Variants in AMPH observed in about 807,000 individuals in gnomAD.
The protein encoded by AMPH is amphiphysin.
In AMPH, 49 loss-of-function variants were observed where a neutral mutation model predicts 99.1. That is an observed-to-expected ratio of 0.49 (90% CI 0.39 to 0.63). The LOEUF is 0.63. Among genes scored for constraint, AMPH ranks in the 20% least tolerant of loss-of-function variants. The pLI is 0.00. For missense variants in AMPH, 759 were observed against 863.4 expected, an observed-to-expected ratio of 0.88 and a Z score of 1.52; for synonymous variants, 314 against 317.3, an observed-to-expected ratio of 0.99 and a Z score of 0.11.
intron 18 of AMPH, 46 bp downstream of exon 18, chr7:38,393,959 A>G (rs1562723753): frequency 6.3e-7 from 1 of 1,597,082 alleles, no homozygotes. Flanking sequence ...CACCCAGCCC[A>G]TGCTACTTCC....
intron 1 of AMPH, among the ~76,000 whole-genome samples, chr7:38,627,315 G>A (rs558145561): frequency 1.7e-3 from 261 of 150,546 alleles, no homozygotes; most frequent in African/African-American, 6.1e-3. Context: ...AGGCTGAGGC[G>A]GGCAGATAAC....
At position 38,429,556 on chromosome 7, in the gene AMPH, A is replaced by G. The variant is rs564603593; in HGVS notation, c.1182+286T>C. On this transcript the variant is annotated intron_variant, in intron 14 of 20. Transcript: ENST00000356264. ...TCCTCCATGATCAGGTTACACAAGG[A>G]AAGACTTTCTGAAGAGTCAGTCTTT... is the stretch of plus-strand genomic sequence containing the variant. 288 of 1,426,702 alleles carry G rather than the reference A, an allele frequency of 2.0e-4. 1 individual carries two copies. In the African/African-American group the frequency reaches 3.8e-3, roughly 19 times the overall value. The allele number at this position is 1,426,702 out of a possible 1,614,324, so 88.4% of individuals were successfully genotyped here. A position where few individuals can be genotyped will look rare whatever the true frequency, so the allele number is the denominator to read the frequency against.
chr7:38,548,046 T>C, intron 1 of AMPH, among the ~76,000 whole-genome samples: 1 of 88,796 alleles, frequency 1.1e-5, no homozygotes, highest in Admixed American at 1.1e-4. Flanking sequence ...TTTTTTTTTT[T>C]GTGACAGAGT....
At chr7:38,576,215 T>C (rs538446491) in intron 1 of AMPH, among the ~76,000 whole-genome samples, 1 of 152,318 alleles carries the variant, frequency 6.6e-6, no homozygotes, top group African/African-American at 2.4e-5. Context: ...GGAGTCCATA[T>C]TACTTTGGAA....
chr7:38,546,542 T>C (rs1791003131), intron 1 of AMPH, among the ~76,000 whole-genome samples: 1 of 152,216 alleles, frequency 6.6e-6, no homozygotes, highest in Non-Finnish European at 1.5e-5. Flanking sequence ...ATACAAAACC[T>C]GCAGGAATTT....
intron 5 of AMPH, among the ~76,000 whole-genome samples, chr7:38,487,604 T>C (rs940332130): frequency 9.2e-5 from 14 of 152,104 alleles, no homozygotes; most frequent in African/African-American, 3.1e-4. Context: ...ATTCAGGACA[T>C]AGGCATGGGC....
At chr7:38,472,930 A>G (rs1787938423) in intron 7 of AMPH, among the ~76,000 whole-genome samples, 1 of 152,220 alleles carries the variant, frequency 6.6e-6, no homozygotes, top group Non-Finnish European at 1.5e-5. Flanking sequence ...TACTTTGAAT[A>G]ACCAAATACA....
intron 2 of AMPH, among the ~76,000 whole-genome samples, chr7:38,522,562 A>G (rs529055516): frequency 1.6e-4 from 25 of 152,180 alleles, no homozygotes; most frequent in African/African-American, 5.8e-4. Context: ...TACGGTGCTA[A>G]GCGGGCAGAG....
chr7:38,457,736 C>T (rs1051651097), intron 11 of AMPH, among the ~76,000 whole-genome samples: 8 of 152,250 alleles, frequency 5.3e-5, no homozygotes, highest in Middle Eastern at 3.4e-3. Flanking sequence ...GCAAAAAGGT[C>T]TTCTCAATGC....
chr7:38,562,708 A>C (rs750700005), intron 1 of AMPH, among the ~76,000 whole-genome samples: 1 of 152,098 alleles, frequency 6.6e-6, no homozygotes, highest in African/African-American at 2.4e-5. Context: ...GGGGAGTGAA[A>C]ATGTAAGAGA....
chr7:38,520,705 T>C (rs930266803), intron 2 of AMPH, among the ~76,000 whole-genome samples: 6 of 152,122 alleles, frequency 3.9e-5, no homozygotes, highest in Admixed American at 1.3e-4. Context: ...ATATTCCTTG[T>C]GAGTTGACCT....
intron 5 of AMPH, among the ~76,000 whole-genome samples, chr7:38,486,431 T>G (rs1345995182): frequency 1.3e-5 from 2 of 151,920 alleles, no homozygotes; most frequent in African/African-American, 4.8e-5. Context: ...TAAGGAGATT[T>G]AATAGGCAAC....
Position 38,384,512 on chromosome 7 carries a change from T to C in AMPH, c.*306A>G. On this transcript the variant is annotated 3_prime_UTR_variant, in exon 21 of 21. Coordinates refer to ENST00000356264, the MANE Select transcript of AMPH (RefSeq NM_001635.4). Reference sequence around the variant, plus strand: ...TACACCTGATGCAGAGAAATTAAAGTCTGATCTGGAGAAAGCTACTTTAGA... The same window carrying C: ...TACACCTGATGCAGAGAAATTAAAGCCTGATCTGGAGAAAGCTACTTTAGA... 7.6e-6 allele frequency: 2 copies of C among 263,200 alleles called. No homozygotes were observed. Among genetic ancestry groups the C allele is most frequent in the Non-Finnish European group, 7.5e-6 (1 of 132,610 alleles). The allele number at this position is 263,200 out of a possible 1,614,324, so 16.3% of individuals were successfully genotyped here.
rs1243556901 is a variant in AMPH at position 38,604,857 on chromosome 7, T to A, written c.69+26426A>T. Among the ~76,000 whole-genome samples, 6 of 152,342 alleles carry A rather than the reference T, an allele frequency of 3.9e-5. No homozygotes were observed. In the East Asian group the frequency reaches 1.2e-3, roughly 29 times the overall value. On this transcript the variant is annotated intron_variant, in intron 1 of 20. Coordinates refer to ENST00000356264, the MANE Select transcript of AMPH (RefSeq NM_001635.4). ...TCTCAGGCTGTCTCTAAGAACAGCATTTTCCTTCATTTTTTTTTCCTAATA... is the reference window on the plus strand; with the variant it reads ...TCTCAGGCTGTCTCTAAGAACAGCAATTTCCTTCATTTTTTTTTCCTAATA...
intron 2 of AMPH, among the ~76,000 whole-genome samples, chr7:38,522,459 T>C (rs996962526): frequency 2.0e-5 from 3 of 152,002 alleles, no homozygotes; most frequent in Non-Finnish European, 2.9e-5. Context: ...GCAGAGTGAG[T>C]GAGTATAGCG....
At chr7:38,615,395 T>C (rs548147491) in intron 1 of AMPH, among the ~76,000 whole-genome samples, 2 of 152,200 alleles carry the variant, frequency 1.3e-5, no homozygotes, top group East Asian at 1.9e-4. Context: ...TTACCCTTCA[T>C]TAAGTCTAAA....
intron 1 of AMPH, among the ~76,000 whole-genome samples, chr7:38,595,853 T>C (rs963904902): frequency 1.1e-4 from 17 of 152,216 alleles, no homozygotes; most frequent in African/African-American, 3.9e-4. Flanking sequence ...CCCTTTAGGG[T>C]ATTGGCCTCC....
chr7:38,607,930 TAA>T (rs1355619825), intron 1 of AMPH, among the ~76,000 whole-genome samples: 1 of 152,246 alleles, frequency 6.6e-6, no homozygotes. Flanking sequence ...AAGGCTGATA[TAA>T]GTCAGTGATT....
At chr7:38,453,565 G>C (rs1311325910) in intron 11 of AMPH, among the ~76,000 whole-genome samples, 1 of 152,168 alleles carries the variant, frequency 6.6e-6, no homozygotes, top group Non-Finnish European at 1.5e-5. Context: ...AAAGTGCTTT[G>C]ATCCTTTTTC....
Sources: gnomAD v4.1 joint callset for allele counts (sites outside exome capture counted in the v4.1 genomes callset) on GRCh38, gnomAD v4.1.1 for gene constraint, MANE v1.5 for transcripts, NCBI Gene and HGNC (gene_info 2026-07-23, HGNC 2026-07-21) for gene names.